HAUS1: variants seen among roughly 807,000 people sequenced by gnomAD.
HAUS1 encodes the protein HAUS augmin-like complex subunit 1.
Under a neutral mutation model 38.6 loss-of-function variants are expected in HAUS1, and 25 were observed. The observed-to-expected ratio is 0.65, with a 90% CI of 0.47 to 0.91. HAUS1 has a LOEUF of 0.91. Ranked by LOEUF, HAUS1 falls within the 40% of genes least tolerant of loss-of-function variation. HAUS1 has a pLI of 0.00. For synonymous variants in HAUS1, 109 were observed against 112.9 expected (o/e 0.97, Z 0.22); for missense variants, 325 against 328.4 (o/e 0.99, Z 0.08).
chr18:46,107,027 A>T (rs1911498748), intron 2 of HAUS1, among the ~76,000 whole-genome samples: 1 of 151,960 alleles, frequency 6.6e-6, no homozygotes, highest in South Asian at 2.1e-4. Flanking sequence ...ACAAAAAAAA[A>T]TTAATTAATT....
intron 2 of HAUS1, chr18:46,106,784 G>A (rs1408297275): frequency 1.3e-5 from 2 of 152,212 alleles, no homozygotes; most frequent in Non-Finnish European, 2.9e-5. Flanking sequence ...GGAGGCCAAG[G>A]TGGGCGGATC....
In HAUS1 at chr18:46,128,243, A is replaced by G. The variant is rs75447963; in HGVS notation, c.*118A>G. On this transcript the variant is annotated 3_prime_UTR_variant, in exon 9 of 9. Coordinates refer to ENST00000282058, the MANE Select transcript of HAUS1 (RefSeq NM_138443.4). ...ACTTTCTGTGTTCTTAGATTACAGA[A>G]TATCATAATTGATAGAATATGGTTT... is the stretch of plus-strand genomic sequence containing the variant. 2.0e-4 allele frequency: 103 copies of G among 522,998 alleles called. 1 individual carries two copies. The highest frequency in any genetic ancestry group is 1.9e-3 in the African/African-American group (95 of 50,888). 32.4% of individuals were successfully genotyped at this position (522,998 alleles called of 1,614,324 possible).
chr18:46,120,878 A>C (rs1003897743), intron 4 of HAUS1, among the ~76,000 whole-genome samples: 8 of 152,138 alleles, frequency 5.3e-5, no homozygotes, highest in African/African-American at 1.9e-4. Context: ...GAGCCACCGC[A>C]CCCAGCCTCC....
At chr18:46,125,410 G>A (rs534077317) in intron 7 of HAUS1, among the ~76,000 whole-genome samples, 6 of 151,924 alleles carry the variant, frequency 3.9e-5, no homozygotes, top group African/African-American at 4.8e-5. Context: ...TTAGCAGGGC[G>A]TGGTGGTGGG....
chr18:46,110,986 C>T (rs1473993619), intron 2 of HAUS1, among the ~76,000 whole-genome samples: 2 of 149,124 alleles, frequency 1.3e-5, no homozygotes, highest in Non-Finnish European at 3.0e-5. Context: ...AAGCGATTCT[C>T]GTGCCTCAGC....
At chr18:46,113,048 CATATT>C (rs1911711992) in intron 2 of HAUS1, among the ~76,000 whole-genome samples, 6 of 126,196 alleles carry the variant, frequency 4.8e-5, no homozygotes, top group African/African-American at 1.2e-4. Context: ...ATATATATTC[CATATT>C]ATATATATAA....
chr18:46,112,032 T>C (rs142484826), intron 2 of HAUS1, among the ~76,000 whole-genome samples: 10,945 of 149,970 alleles, frequency 0.073, 496 homozygotes, highest in African/African-American at 0.13. Context: ...ATTATAGGCA[T>C]GCACCACCAC....
intron 2 of HAUS1, among the ~76,000 whole-genome samples, chr18:46,107,886 G>A (rs1218824671): frequency 6.6e-6 from 1 of 152,068 alleles, no homozygotes; most frequent in Admixed American, 6.6e-5. Flanking sequence ...TTTTTATAGT[G>A]GAGAGACAGA....
chr18:46,127,217 C>T (rs1004060902), intron 8 of HAUS1, among the ~76,000 whole-genome samples: 1 of 151,928 alleles, frequency 6.6e-6, no homozygotes, highest in Non-Finnish European at 1.5e-5. Context: ...AGTAATCCAC[C>T]TGCTTTGGCC....
At chr18:46,124,099 C>T (rs1912028613) in intron 6 of HAUS1, among the ~76,000 whole-genome samples, 1 of 152,040 alleles carries the variant, frequency 6.6e-6, no homozygotes, top group South Asian at 2.1e-4. Flanking sequence ...CAGCATACTT[C>T]AATCCTATTG....
intron 6 of HAUS1, among the ~76,000 whole-genome samples, chr18:46,124,561 G>C (rs1230092234): frequency 1.3e-5 from 2 of 151,870 alleles, no homozygotes; most frequent in African/African-American, 4.8e-5. Context: ...ACTCCAGCCT[G>C]GGCAACACAG....
chr18:46,107,109 G>A (rs1911501577), intron 2 of HAUS1, among the ~76,000 whole-genome samples: 1 of 152,004 alleles, frequency 6.6e-6, no homozygotes, highest in Non-Finnish European at 1.5e-5. Flanking sequence ...CACTTAGAGT[G>A]TAGAACCACT....
rs1911438623 is a variant in HAUS1 at position 46,105,474 on chromosome 18, T to C, written c.205+106T>C. The stretch of plus-strand genomic sequence containing the variant: ...TACTGTAGACTACTTGTTTTGCTCC[T>C]TTATTTTTCCCAGATTTTCTTCCAC... On this transcript the variant is annotated intron_variant, in intron 2 of 8. Coordinates refer to ENST00000282058, the MANE Select transcript of HAUS1 (RefSeq NM_138443.4). The C allele has an allele frequency of 4.2e-6, 4 of 955,172 alleles. No homozygotes were observed. The South Asian group carries it at 5.6e-5, about 13-fold the overall frequency. 59.2% of individuals were successfully genotyped at this position (955,172 alleles called of 1,614,324 possible).
intron 2 of HAUS1, among the ~76,000 whole-genome samples, chr18:46,110,910 G>A (rs1333024537): frequency 1.4e-5 from 2 of 138,018 alleles, no homozygotes; most frequent in Non-Finnish European, 3.1e-5. Flanking sequence ...TTTTTGAGAC[G>A]GAGTTGCCCA....
intron 1 of HAUS1, 34 bp from the exon 2 acceptor site, chr18:46,105,160 G>A: frequency 1.3e-6 from 2 of 1,499,562 alleles, no homozygotes; most frequent in Non-Finnish European, 1.8e-6. Context: ...CAGTAAACAA[G>A]GCTTATAATA....
At chr18:46,108,384 G>C (rs1911531794) in intron 2 of HAUS1, among the ~76,000 whole-genome samples, 1 of 148,006 alleles carries the variant, frequency 6.8e-6, no homozygotes, top group Non-Finnish European at 1.5e-5. Flanking sequence ...TTCTGACCCT[G>C]CCTCACCCTC....
Position 46,122,285 on chromosome 18 carries a change from C to T in HAUS1, c.477-182C>T, listed in dbSNP as rs548105195. Among the ~76,000 whole-genome samples, 23 of 148,172 alleles carry T rather than the reference C, an allele frequency of 1.6e-4. No homozygotes were observed. In the East Asian group the frequency reaches 4.7e-3, roughly 30 times the overall value. On this transcript the variant is annotated intron_variant, in intron 4 of 8. Coordinates refer to ENST00000282058, the MANE Select transcript of HAUS1 (RefSeq NM_138443.4). ...CACCACTGCATTCAAGCCTGGGTGA[C>T]AGACCAAGACCTCATCTCTTAAAAA...
At position 46,105,387 on chromosome 18, in the gene HAUS1, T is replaced by A; in HGVS notation, c.205+19T>A. ...TCAGAAGGTGAGATTAAGTCCAGAG[T>A]TTTGAACGAGAATAAATAGAGGTAA... On this transcript the variant is annotated intron_variant, in intron 2 of 8. Coordinates refer to ENST00000282058, the MANE Select transcript of HAUS1 (RefSeq NM_138443.4). The A allele has an allele frequency of 6.3e-7, 1 of 1,598,738 alleles. No individual in the cohort carries two copies. The highest frequency in any genetic ancestry group is 8.5e-7 in the Non-Finnish European group (1 of 1,170,988).
At chr18:46,109,529 C>G (rs563926783) in intron 2 of HAUS1, 1 of 152,218 alleles carries the variant, frequency 6.6e-6, no homozygotes, top group Non-Finnish European at 1.5e-5. Flanking sequence ...TGTTTTATGG[C>G]CTAGCATAAA....
Sources: allele counts gnomAD v4.1 joint callset (sites outside exome capture counted in the v4.1 genomes callset), GRCh38; gene constraint gnomAD v4.1.1; transcripts MANE v1.5; gene names NCBI Gene and HGNC (gene_info 2026-07-23, HGNC 2026-07-21).